Variants in CSMD1 observed in about 807,000 individuals in gnomAD.
CSMD1 encodes CUB and sushi domain-containing protein 1.
Under a neutral mutation model 417.5 loss-of-function variants are expected in CSMD1, and 213 were observed. The ratio of observed to expected loss-of-function variants is 0.51; its 90% CI spans 0.46 to 0.57. The LOEUF (loss-of-function observed/expected upper bound fraction) is 0.57, where lower values mean the gene tolerates loss of function less well. Ranked by LOEUF, CSMD1 falls within the 20% of genes least tolerant of loss-of-function variation. The pLI is 0.00. For missense variants in CSMD1, 6,923 were observed against 4,529.7 expected (o/e 1.53, Z -15.17); for synonymous variants, 2,862 against 1,736.8 (o/e 1.65, Z -16.11).
At chr8:4,577,947 G>C (rs577564410) in intron 2 of CSMD1, among the ~76,000 whole-genome samples, 1 of 152,338 alleles carries the variant, frequency 6.6e-6, no homozygotes, top group African/African-American at 2.4e-5. Context: ...TGGATGGCCA[G>C]AGAAAAATGA....
chr8:3,107,453 G>C (rs1250327089), intron 45 of CSMD1, among the ~76,000 whole-genome samples: 5 of 151,740 alleles, frequency 3.3e-5, no homozygotes, highest in Non-Finnish European at 5.9e-5. Flanking sequence ...ATGTTGTAGA[G>C]GAAAAAAATG....
intron 3 of CSMD1, among the ~76,000 whole-genome samples, chr8:4,319,678 G>C (rs756322829): frequency 3.4e-4 from 51 of 152,100 alleles, no homozygotes; most frequent in Non-Finnish European, 5.0e-4. Context: ...GAACAGAGAA[G>C]GGAAGCAATC....
intron 12 of CSMD1, among the ~76,000 whole-genome samples, chr8:3,438,974 G>C (rs555823476): frequency 1.3e-5 from 2 of 150,848 alleles, no homozygotes; most frequent in East Asian, 4.0e-4. Context: ...AATTAGCCGG[G>C]CATGGTAGTG....
chr8:3,386,215 T>A (rs367933690), intron 18 of CSMD1, among the ~76,000 whole-genome samples: 1 of 152,224 alleles, frequency 6.6e-6, no homozygotes, highest in African/African-American at 2.4e-5. Flanking sequence ...TGCATCTCTA[T>A]TCAGAAACTT....
intron 10 of CSMD1, among the ~76,000 whole-genome samples, chr8:3,564,519 G>GTGTGTGTT (rs1554471475): frequency 6.9e-6 from 1 of 144,946 alleles, no homozygotes; most frequent in Non-Finnish European, 1.5e-5. Context: ...CAGTATATTT[G>GTGTGTGTT]TGTGTGTGTG....
chr8:3,369,369 A>G lies in CSMD1; in HGVS notation c.2784T>C (p.Ala928=), dbSNP rs774266328. The part of the protein sequence containing the change: ...QWNHALPSCD[A]LCGGYIQGKS... ...TCCCTTGGATGTAGCCTCCACATAGAGCTTAAAATAATAAAGAGAGATGAT... is the reference window on the plus strand; with the variant it reads ...TCCCTTGGATGTAGCCTCCACATAGGGCTTAAAATAATAAAGAGAGATGAT... The change falls in exon 19 of 70, where the codon GCT becomes GCC. Residue 928 remains alanine (A), a splice_region_variant and synonymous_variant. Coordinates refer to ENST00000635120, the MANE Select transcript of CSMD1 (RefSeq NM_033225.6). 37 of 1,450,310 alleles carry G rather than the reference A, an allele frequency of 2.6e-5. No homozygotes were observed. Among genetic ancestry groups the G allele is most frequent in the Middle Eastern group, 3.5e-4 (2 of 5,766 alleles). 89.8% of individuals were successfully genotyped at this position (1,450,310 alleles called of 1,614,324 possible).
In CSMD1 at chr8:4,322,758, G is replaced by A. The variant is rs184405827; in HGVS notation, c.415+97195C>T. ...GCCTGTAATACCAGCACTTTGGAAGGCAGAGGTAGGCGGATCACTTGACTT... is the reference window on the plus strand; with the variant it reads ...GCCTGTAATACCAGCACTTTGGAAGACAGAGGTAGGCGGATCACTTGACTT... On this transcript the variant is annotated intron_variant, in intron 3 of 69. Coordinates refer to ENST00000635120, the MANE Select transcript of CSMD1 (RefSeq NM_033225.6). 8.5e-4 allele frequency among the ~76,000 whole-genome samples: 130 copies of A among 152,322 alleles called. 1 individual carries two copies. Among genetic ancestry groups the A allele is most frequent in the African/African-American group, 3.0e-3 (125 of 41,582 alleles).
intron 1 of CSMD1, among the ~76,000 whole-genome samples, chr8:4,683,053 G>C (rs1806148492): frequency 1.4e-5 from 2 of 146,766 alleles, no homozygotes; most frequent in Admixed American, 1.4e-4. Context: ...TATTAGAATA[G>C]TCCAATGTCA....
At chr8:4,117,951 G>GA (rs5889017) in intron 3 of CSMD1, among the ~76,000 whole-genome samples, 2 of 145,178 alleles carry the variant, frequency 1.4e-5, no homozygotes, top group African/African-American at 5.1e-5. Flanking sequence ...AAGTCAATAG[G>GA]AAAAAAAAAA....
intron 26 of CSMD1, among the ~76,000 whole-genome samples, chr8:3,236,880 G>A (rs969338067): frequency 6.6e-6 from 1 of 152,018 alleles, no homozygotes; most frequent in Non-Finnish European, 1.5e-5. Flanking sequence ...GATTATGAGT[G>A]CCCTGTTTTC....
rs577135878 is a variant in CSMD1, at chr8:3,751,250, G to A, written c.931+2680C>T. 4.0e-5 allele frequency among the ~76,000 whole-genome samples: 6 copies of A among 151,104 alleles called. No individual in the cohort carries two copies. In the South Asian group the frequency reaches 1.3e-3, roughly 32 times the overall value. On this transcript the variant is annotated intron_variant, in intron 6 of 69. Transcript: ENST00000635120. ...ACCTTCATACCTTTTGACCGTTTTA[G>A]AATTAAATGCCAAATTTTTGACTCC...
chr8:3,328,756 T>A (rs1012816199), intron 23 of CSMD1, among the ~76,000 whole-genome samples: 15 of 152,320 alleles, frequency 9.8e-5, no homozygotes, highest in African/African-American at 3.1e-4. Flanking sequence ...AAAATCTGGC[T>A]TTTGTCATCC....
At chr8:3,357,527 C>A (rs2117698847) in intron 21 of CSMD1, among the ~76,000 whole-genome samples, 1 of 152,246 alleles carries the variant, frequency 6.6e-6, no homozygotes, top group East Asian at 1.9e-4. Flanking sequence ...TATTTTAGAC[C>A]ACAGAGTAAA....
chr8:3,399,613 G>A, intron 15 of CSMD1, 84 bp from the exon 16 acceptor site: 1 of 1,042,262 alleles, frequency 9.6e-7, no homozygotes, highest in Non-Finnish European at 1.3e-6. Context: ...GCCAGAATCT[G>A]CTTCTGTGTT....
At chr8:3,052,392 G>A (rs528677230) in intron 50 of CSMD1, 70 bp downstream of exon 50, 68 of 1,283,396 alleles carry the variant, frequency 5.3e-5, no homozygotes, top group Admixed American at 2.8e-4. Context: ...GTGGGAACCC[G>A]GACTTCTCCC....
In CSMD1 at chr8:3,608,619, C is replaced by T. The variant is rs565120813; in HGVS notation, c.1097+8091G>A. Among the ~76,000 whole-genome samples the T allele has an allele frequency of 4.6e-5, 7 of 152,012 alleles. No homozygotes were observed. In the South Asian group the frequency reaches 8.3e-4, roughly 18 times the overall value. ...TCTATTAAAAATGCAAAAAAATTAGCCGGGCATGGTAGCACACGCCTGTAA... is the reference window on the plus strand; with the variant it reads ...TCTATTAAAAATGCAAAAAAATTAGTCGGGCATGGTAGCACACGCCTGTAA... On this transcript the variant is annotated intron_variant, in intron 8 of 69. Transcript: ENST00000635120.
intron 1 of CSMD1, among the ~76,000 whole-genome samples, chr8:4,948,042 G>C (rs940228253): frequency 5.3e-5 from 8 of 151,720 alleles, no homozygotes; most frequent in Non-Finnish European, 1.0e-4. Flanking sequence ...CTTTTCTGTA[G>C]GAATGTAGAT....
At chr8:3,397,370 C>G (rs577253305) in intron 16 of CSMD1, among the ~76,000 whole-genome samples, 2 of 152,226 alleles carry the variant, frequency 1.3e-5, no homozygotes, top group South Asian at 4.1e-4. Context: ...CAACAGAAAA[C>G]GATGTTGAAA....
At chr8:3,313,207 G>A (rs1476791548) in intron 23 of CSMD1, among the ~76,000 whole-genome samples, 3 of 152,140 alleles carry the variant, frequency 2.0e-5, no homozygotes, top group East Asian at 3.8e-4. Context: ...ACATAGGCAT[G>A]GGCAAAGACT....
Sources: allele counts gnomAD v4.1 joint callset (sites outside exome capture counted in the v4.1 genomes callset), GRCh38; gene constraint gnomAD v4.1.1; transcripts MANE v1.5; gene names NCBI Gene and HGNC (gene_info 2026-07-23, HGNC 2026-07-21).